The following SLC24A2 variants were observed in gnomAD, a reference collection of about 807,000 sequenced individuals.
SLC24A2 encodes sodium/potassium/calcium exchanger 2.
Under a neutral mutation model 62.0 loss-of-function variants are expected in SLC24A2, and 36 were observed. The observed-to-expected ratio is 0.58, with a 90% CI of 0.44 to 0.77. The LOEUF is 0.77. Among genes scored for constraint, SLC24A2 ranks in the 30% least tolerant of loss-of-function variants. SLC24A2 has a pLI of 0.00. For synonymous variants in SLC24A2, 358 were observed against 294.0 expected (o/e 1.22, Z -2.23); for missense variants, 846 against 817.9 (o/e 1.03, Z -0.42).
chr9:20,013,360 C>A, the SLC24A2 span, among the ~76,000 whole-genome samples: 2 of 152,116 alleles, frequency 1.3e-5, no homozygotes, highest in Non-Finnish European at 2.9e-5. Flanking sequence ...TACATACATT[C>A]ATCAGAGTAA....
At chr9:20,177,071 C>A in the SLC24A2 span, among the ~76,000 whole-genome samples, 1 of 152,074 alleles carries the variant, frequency 6.6e-6, no homozygotes, top group African/African-American at 2.4e-5. Context: ...GTTATTTTGA[C>A]CATAGGTCTC....
At chr9:19,558,188 A>G (rs1489510868) in intron 7 of SLC24A2, among the ~76,000 whole-genome samples, 1 of 152,180 alleles carries the variant, frequency 6.6e-6, no homozygotes, top group Admixed American at 6.6e-5. Flanking sequence ...CCACGGCAGC[A>G]TTGAAAGTGA....
At chr9:20,236,093 A>G in the SLC24A2 span, among the ~76,000 whole-genome samples, 1 of 152,202 alleles carries the variant, frequency 6.6e-6, no homozygotes, top group South Asian at 2.1e-4. Context: ...AGCACAGCAA[A>G]TGAGATAGGC....
chr9:19,806,086 A>G, the SLC24A2 span, among the ~76,000 whole-genome samples: 2 of 152,202 alleles, frequency 1.3e-5, no homozygotes, highest in Admixed American at 1.3e-4. Flanking sequence ...AAGTATTAGG[A>G]TAACTCTGAC....
intron 2 of SLC24A2, among the ~76,000 whole-genome samples, chr9:19,764,292 T>C (rs563880038): frequency 8.5e-5 from 13 of 152,282 alleles, no homozygotes; most frequent in South Asian, 8.3e-4. Flanking sequence ...TTTTTGAAGG[T>C]TTTTTTCTGT....
chr9:20,158,815 T>C, the SLC24A2 span, among the ~76,000 whole-genome samples: 1 of 151,630 alleles, frequency 6.6e-6, no homozygotes, highest in Non-Finnish European at 1.5e-5. Context: ...ATATTTAAAC[T>C]ATAACTAAAT....
the SLC24A2 span, among the ~76,000 whole-genome samples, chr9:20,242,656 G>A: frequency 6.6e-6 from 1 of 152,156 alleles, no homozygotes; most frequent in Non-Finnish European, 1.5e-5. Flanking sequence ...CTCTGACTCC[G>A]GGATGCAACA....
chr9:19,782,204 C>A (rs751009349), intron 2 of SLC24A2, among the ~76,000 whole-genome samples: 5 of 152,322 alleles, frequency 3.3e-5, no homozygotes, highest in Non-Finnish European at 7.3e-5. Flanking sequence ...CATAACAGAT[C>A]AACGGCCCCC....
intron 2 of SLC24A2, among the ~76,000 whole-genome samples, chr9:19,638,732 A>G (rs1818419215): frequency 1.3e-5 from 2 of 152,196 alleles, no homozygotes; most frequent in Non-Finnish European, 2.9e-5. Flanking sequence ...ACATATTAAA[A>G]TGTGGATGAC....
chr9:20,087,178 G>C, the SLC24A2 span, among the ~76,000 whole-genome samples: 1 of 152,058 alleles, frequency 6.6e-6, no homozygotes, highest in Non-Finnish European at 1.5e-5. Context: ...AGTTCATTCT[G>C]GTCCCAAATG....
intron 4 of SLC24A2, among the ~76,000 whole-genome samples, chr9:19,608,718 C>A (rs759729364): frequency 6.6e-6 from 1 of 151,754 alleles, no homozygotes; most frequent in Non-Finnish European, 1.5e-5. Context: ...TCTTGTTTTC[C>A]TTCTCTACCA....
rs187782511 is a variant in SLC24A2 at position 19,641,367 on chromosome 9, T to C, written c.931-19068A>G. Among the ~76,000 whole-genome samples the C allele has an allele frequency of 5.3e-5, 8 of 152,368 alleles. No homozygotes were observed. In the East Asian group the frequency reaches 1.3e-3, roughly 26 times the overall value. ...TCCAATTGCCAACTCACCATTTCTA[T>C]TGAATGTCTAGTGGGCATAATAAAC... On this transcript the variant is annotated intron_variant, in intron 2 of 10. Coordinates refer to ENST00000341998, the MANE Select transcript of SLC24A2 (RefSeq NM_020344.4).
chr9:19,526,767 T>A (rs1833464487), intron 9 of SLC24A2, among the ~76,000 whole-genome samples: 1 of 152,174 alleles, frequency 6.6e-6, no homozygotes, highest in Non-Finnish European at 1.5e-5. Flanking sequence ...TATATATGAT[T>A]TGCAAATATT....
chr9:20,064,640 A>C, the SLC24A2 span, among the ~76,000 whole-genome samples: 4 of 152,204 alleles, frequency 2.6e-5, no homozygotes, highest in African/African-American at 9.6e-5. Context: ...TTGGAAATGT[A>C]AACAGGATCA....
the SLC24A2 span, among the ~76,000 whole-genome samples, chr9:20,283,411 G>C: frequency 6.6e-6 from 1 of 152,128 alleles, no homozygotes; most frequent in South Asian, 2.1e-4. Flanking sequence ...AATTCGTATG[G>C]ACTCTAGATT....
the SLC24A2 span, among the ~76,000 whole-genome samples, chr9:19,844,094 T>A: frequency 6.6e-6 from 1 of 152,178 alleles, no homozygotes; most frequent in Non-Finnish European, 1.5e-5. Context: ...CTTTGAGAAA[T>A]CTCCAAACTG....
chr9:20,127,563 C>T, the SLC24A2 span, among the ~76,000 whole-genome samples: 1 of 152,124 alleles, frequency 6.6e-6, no homozygotes, highest in Non-Finnish European at 1.5e-5. Flanking sequence ...TGGGACCTCT[C>T]TGTGAGTCTG....
At chr9:20,261,731 A>ATTTT in the SLC24A2 span, among the ~76,000 whole-genome samples, 19 of 89,480 alleles carry the variant, frequency 2.1e-4, no homozygotes, top group South Asian at 5.8e-4. Context: ...AAAACACCAA[A>ATTTT]TCTTTTTTTT....
chr9:19,765,053 C>T (rs1484980592), intron 2 of SLC24A2, among the ~76,000 whole-genome samples: 2 of 151,702 alleles, frequency 1.3e-5, no homozygotes, highest in African/African-American at 4.8e-5. Flanking sequence ...ATGTAATGAC[C>T]TTCTTTGTCT....
Sources: gnomAD v4.1 joint callset for allele counts (sites outside exome capture counted in the v4.1 genomes callset) on GRCh38, gnomAD v4.1.1 for gene constraint, MANE v1.5 for transcripts, NCBI Gene and HGNC (gene_info 2026-07-23, HGNC 2026-07-21) for gene names.